PTGER3: variants seen among roughly 807,000 people sequenced by gnomAD.
PTGER3 encodes the protein prostaglandin E receptor 3.
In PTGER3, 22 loss-of-function variants were observed where a neutral mutation model predicts 34.7. That is an observed-to-expected ratio of 0.63 (90% CI 0.45 to 0.91). PTGER3 has a LOEUF of 0.91. PTGER3 is among the 40% of genes least tolerant of loss of function. The pLI is 0.00. For synonymous variants in PTGER3, 241 were observed against 230.1 expected (o/e 1.05, Z -0.43); for missense variants, 468 against 519.4 (o/e 0.90, Z 0.96).
intron 4 of PTGER3, among the ~76,000 whole-genome samples, chr1:70,934,295 T>C (rs1186628012): frequency 6.6e-6 from 1 of 152,152 alleles, no homozygotes; most frequent in Non-Finnish European, 1.5e-5. Context: ...GGCTACCGCA[T>C]ATTGTTCCTT....
rs138648588 is a variant in PTGER3, at chr1:70,921,732, C to A, written c.*23+32031G>T. 4.1e-3 allele frequency among the ~76,000 whole-genome samples: 631 copies of A among 152,252 alleles called. 6 individuals are homozygous for A. The highest frequency in any genetic ancestry group is 0.015 in the African/African-American group (606 of 41,566). ...TGTCCTTGGGAGCTTGACCTTGTAACCAGGTGGCAGTACTTTCTCTTGGTC... is the reference window on the plus strand; with the variant it reads ...TGTCCTTGGGAGCTTGACCTTGTAAACAGGTGGCAGTACTTTCTCTTGGTC... On this transcript the variant is annotated intron_variant, in intron 4 of 4. Transcript: ENST00000370931.
downstream of PTGER3, among the ~76,000 whole-genome samples, chr1:70,949,103 G>T (rs116670652): frequency 7.2e-3 from 1,087 of 151,922 alleles, 16 homozygotes; most frequent in African/African-American, 0.025. Flanking sequence ...AAGTTTATGC[G>T]GCGGAAGGGA....
chr1:70,865,807 C>G, intron 4 of PTGER3: 1 of 1,366,220 alleles, frequency 7.3e-7, no homozygotes, highest in South Asian at 1.1e-5. Flanking sequence ...AAGGATCAAT[C>G]ACAGTAGAGG....
chr1:71,002,989 G>C (rs1294370992), intron 2 of PTGER3, among the ~76,000 whole-genome samples: 1 of 152,190 alleles, frequency 6.6e-6, no homozygotes, highest in Non-Finnish European at 1.5e-5. Context: ...GTATCAAAGA[G>C]CTGTTTATGA....
intron 4 of PTGER3, among the ~76,000 whole-genome samples, chr1:70,932,929 A>G (rs1274181449): frequency 3.3e-5 from 5 of 152,194 alleles, no homozygotes; most frequent in Non-Finnish European, 7.3e-5. Context: ...ATACACACGA[A>G]CACACACATA....
intron 2 of PTGER3, chr1:71,007,407 A>C (rs1428299971): frequency 2.0e-6 from 2 of 985,596 alleles, no homozygotes; most frequent in Non-Finnish European, 2.4e-6. Flanking sequence ...TTCAGCAGTC[A>C]ATAATGGCCT....
At chr1:71,024,570 C>G (rs1658713231) in intron 1 of PTGER3, among the ~76,000 whole-genome samples, 1 of 151,714 alleles carries the variant, frequency 6.6e-6, no homozygotes, top group African/African-American at 2.4e-5. Context: ...TATAGTGCAT[C>G]CTGCCCATTT....
At chr1:70,890,425 T>C (rs1004245656) in intron 4 of PTGER3, among the ~76,000 whole-genome samples, 1 of 152,110 alleles carries the variant, frequency 6.6e-6, no homozygotes, top group African/African-American at 2.4e-5. Context: ...CTCTGTAAAC[T>C]GGTGGAGGAT....
chr1:70,989,316 T>C (rs150650802), intron 2 of PTGER3, among the ~76,000 whole-genome samples: 1 of 152,280 alleles, frequency 6.6e-6, no homozygotes, highest in Non-Finnish European at 1.5e-5. Flanking sequence ...ATAAAATAAA[T>C]GTATGTCAAA....
chr1:70,899,298 T>G (rs1412818071), intron 4 of PTGER3, among the ~76,000 whole-genome samples: 2 of 151,926 alleles, frequency 1.3e-5, no homozygotes, highest in African/African-American at 4.8e-5. Flanking sequence ...ATGTAAGGAG[T>G]AGTGTTGGAG....
At chr1:70,906,181 CT>C (rs1301738593) in intron 4 of PTGER3, among the ~76,000 whole-genome samples, 3 of 152,176 alleles carry the variant, frequency 2.0e-5, no homozygotes, top group Non-Finnish European at 4.4e-5. Context: ...AAGCCTCTTT[CT>C]TTTGTAAATT....
chr1:70,947,702 T>C (rs1315213631), downstream of PTGER3, among the ~76,000 whole-genome samples: 1 of 152,154 alleles, frequency 6.6e-6, no homozygotes, highest in South Asian at 2.1e-4. Context: ...GGTTGCTGAG[T>C]TTCAGGTTAC....
rs1344123962 is a variant in PTGER3 at position 70,971,451 on chromosome 1, A to G, written c.*279T>C. On this transcript the variant is annotated 3_prime_UTR_variant, in exon 4 of 4. Coordinates refer to ENST00000306666, the MANE Select transcript of PTGER3 (RefSeq NM_198719.2). ...TCCTGGAACACAGGTCTTTCTTTTCATCACTTTTCCTCCAATCATCATCTG... is the reference window on the plus strand; with the variant it reads ...TCCTGGAACACAGGTCTTTCTTTTCGTCACTTTTCCTCCAATCATCATCTG... The G allele has an allele frequency of 7.9e-6, 9 of 1,133,304 alleles. No homozygotes were observed. Among genetic ancestry groups the G allele is most frequent in the Non-Finnish European group, 9.7e-6 (9 of 923,526 alleles). The allele number at this position is 1,133,304 out of a possible 1,614,324, so 70.2% of individuals were successfully genotyped here.
chr1:71,010,046 A>T (rs1657307037), intron 2 of PTGER3: 1 of 985,236 alleles, frequency 1.0e-6, no homozygotes, highest in African/African-American at 1.7e-5. Flanking sequence ...GCTTGTTAAA[A>T]AAAACACAAA....
At chr1:70,881,993 A>G (rs929044946) in intron 4 of PTGER3, among the ~76,000 whole-genome samples, 1 of 152,158 alleles carries the variant, frequency 6.6e-6, no homozygotes, top group Non-Finnish European at 1.5e-5. Flanking sequence ...GGCAACAGGA[A>G]GCTGCACCTC....
chr1:71,006,208 T>C (rs1656947924), intron 2 of PTGER3: 1 of 985,408 alleles, frequency 1.0e-6, no homozygotes, highest in East Asian at 1.1e-4. Context: ...CAATAAGATC[T>C]GGTCCTAGGC....
intron 2 of PTGER3, among the ~76,000 whole-genome samples, chr1:70,961,281 C>A (rs1414711698): frequency 6.6e-6 from 1 of 152,178 alleles, no homozygotes; most frequent in African/African-American, 2.4e-5. Context: ...AATGCTACAC[C>A]AAATCTCTAT....
chr1:70,881,493 T>G (rs1182912935), intron 4 of PTGER3, among the ~76,000 whole-genome samples: 1 of 152,092 alleles, frequency 6.6e-6, no homozygotes. Context: ...TTTTGCCTTT[T>G]TTGTTGTTGT....
exon 5 of PTGER3, chr1:70,852,712 G>A: frequency 9.0e-7 from 1 of 1,110,586 alleles, no homozygotes; most frequent in Non-Finnish European, 1.4e-6. Flanking sequence ...TTATATTTGG[G>A]GGTGGGCTTG....
Sources: allele counts gnomAD v4.1 joint callset (sites outside exome capture counted in the v4.1 genomes callset), GRCh38; gene constraint gnomAD v4.1.1; transcripts MANE v1.5; gene names NCBI Gene and HGNC (gene_info 2026-07-23, HGNC 2026-07-21).